SLC35F1: variants seen among roughly 807,000 people sequenced by gnomAD.
The protein encoded by SLC35F1 is chromosome 6 open reading frame 169.
SLC35F1 carries 14 observed loss-of-function variants against 48.7 expected under a neutral mutation model. The ratio of observed to expected loss-of-function variants is 0.29; its 90% CI spans 0.19 to 0.45. SLC35F1 has a LOEUF of 0.45. SLC35F1 is among the 20% of genes least tolerant of loss of function. The pLI is 1.00. For missense variants in SLC35F1, 404 were observed against 500.0 expected (o/e 0.81, Z 1.83); for synonymous variants, 190 against 202.2 (o/e 0.94, Z 0.51).
At chr6:118,007,328 C>T (rs1203804188) in intron 1 of SLC35F1, among the ~76,000 whole-genome samples, 1 of 152,144 alleles carries the variant, frequency 6.6e-6, no homozygotes, top group African/African-American at 2.4e-5. Context: ...TCAATACTGT[C>T]ACATTGGGAA....
At chr6:118,230,734 A>G (rs1305153124) in intron 2 of SLC35F1, among the ~76,000 whole-genome samples, 1 of 152,370 alleles carries the variant, frequency 6.6e-6, no homozygotes, top group East Asian at 1.9e-4. Flanking sequence ...TGTAAATCCC[A>G]GCATTTTGGA....
chr6:118,038,172 A>G (rs940599304), intron 1 of SLC35F1, among the ~76,000 whole-genome samples: 1 of 152,170 alleles, frequency 6.6e-6, no homozygotes, highest in Non-Finnish European at 1.5e-5. Context: ...CTACTGAAAA[A>G]TGCTATAATT....
At chr6:118,070,710 C>T (rs1772689464) in intron 1 of SLC35F1, among the ~76,000 whole-genome samples, 1 of 150,654 alleles carries the variant, frequency 6.6e-6, no homozygotes, top group Admixed American at 6.6e-5. Flanking sequence ...AAATTTTAGA[C>T]ATCATCTACA....
At position 117,941,151 on chromosome 6, in the gene SLC35F1, GT is replaced by G. The variant is rs570734706; in HGVS notation, c.173+33255del. On this transcript the variant is annotated intron_variant, in intron 1 of 7. Coordinates refer to ENST00000360388, the MANE Select transcript of SLC35F1 (RefSeq NM_001029858.4). ...TGTTGGCTATGCTGTTTACATTTGG[GT>G]TTAAGAATTTAAACATATTTTTCTG... 9.2e-5 allele frequency among the ~76,000 whole-genome samples: 14 copies of G among 152,170 alleles called. No individual in the cohort carries two copies. In the South Asian group the frequency reaches 2.7e-3, roughly 29 times the overall value.
chr6:118,247,513 AT>A (rs1187022814), intron 3 of SLC35F1, among the ~76,000 whole-genome samples: 18 of 152,304 alleles, frequency 1.2e-4, no homozygotes, highest in African/African-American at 4.1e-4. Context: ...CCAAAATAAT[AT>A]TTTCAAATAT....
intron 1 of SLC35F1, among the ~76,000 whole-genome samples, chr6:117,930,469 A>G (rs1776085941): frequency 6.6e-6 from 1 of 152,168 alleles, no homozygotes; most frequent in Non-Finnish European, 1.5e-5. Flanking sequence ...AAAGCCCTAA[A>G]CTATCTAGAA....
intron 1 of SLC35F1, among the ~76,000 whole-genome samples, chr6:117,946,562 T>C (rs901625627): frequency 6.6e-5 from 10 of 152,228 alleles, no homozygotes; most frequent in African/African-American, 2.4e-4. Context: ...AGAGACCATC[T>C]AATATATCTC....
At chr6:118,066,012 G>A (rs1016735488) in intron 1 of SLC35F1, among the ~76,000 whole-genome samples, 1 of 152,172 alleles carries the variant, frequency 6.6e-6, no homozygotes, top group Non-Finnish European at 1.5e-5. Context: ...ATTAGATTCA[G>A]TTAGGGTGCT....
chr6:117,933,562 G>A (rs1315848642), intron 1 of SLC35F1, among the ~76,000 whole-genome samples: 1 of 152,088 alleles, frequency 6.6e-6, no homozygotes, highest in Non-Finnish European at 1.5e-5. Flanking sequence ...ACTGCCCTCT[G>A]GGCACCTTGG....
intron 2 of SLC35F1, among the ~76,000 whole-genome samples, chr6:118,177,212 TTCCTTGCACATC>T (rs564768008): frequency 6.6e-6 from 1 of 152,120 alleles, no homozygotes; most frequent in Non-Finnish European, 1.5e-5. Context: ...TATCATCGCT[TTCCTTGCACATC>T]TCCTGACTCT....
intron 1 of SLC35F1, among the ~76,000 whole-genome samples, chr6:118,057,743 G>A (rs1048436796): frequency 9.9e-5 from 15 of 152,158 alleles, no homozygotes; most frequent in African/African-American, 3.6e-4. Flanking sequence ...TTTGTCTCCA[G>A]TATATCCTGT....
chr6:117,942,863 A>G (rs1215028315), intron 1 of SLC35F1, among the ~76,000 whole-genome samples: 3 of 152,136 alleles, frequency 2.0e-5, no homozygotes, highest in Non-Finnish European at 4.4e-5. Context: ...ATTTTATCTT[A>G]CTTATTGTTA....
At chr6:118,164,072 A>G (rs1349196777) in intron 2 of SLC35F1, among the ~76,000 whole-genome samples, 1 of 152,198 alleles carries the variant, frequency 6.6e-6, no homozygotes, top group African/African-American at 2.4e-5. Context: ...GTCTAGTTTC[A>G]TTGGTTTCCC....
chr6:118,286,262 A>G lies in SLC35F1; in HGVS notation c.1002+924A>G, dbSNP rs557140942. Among the ~76,000 whole-genome samples, 14 of 152,310 alleles carry G rather than the reference A, an allele frequency of 9.2e-5. No homozygotes were observed. In the East Asian group the frequency reaches 2.5e-3, roughly 27 times the overall value. ...GCCACTTCTAGCCAAGTTCCTCACC[A>G]GTGGTATTACAGCCACCATCCGCAG... On this transcript the variant is annotated intron_variant, in intron 7 of 7. Transcript: ENST00000360388.
chr6:118,188,516 C>G (rs966317283), intron 2 of SLC35F1, among the ~76,000 whole-genome samples: 1 of 151,306 alleles, frequency 6.6e-6, no homozygotes, highest in African/African-American at 2.4e-5. Context: ...TGCCGTTGTA[C>G]TCCAGCCTGG....
intron 2 of SLC35F1, among the ~76,000 whole-genome samples, chr6:118,164,070 T>C (rs1291599308): frequency 6.6e-6 from 1 of 152,248 alleles, no homozygotes; most frequent in African/African-American, 2.4e-5. Flanking sequence ...ATGTCTAGTT[T>C]CATTGGTTTC....
intron 1 of SLC35F1, among the ~76,000 whole-genome samples, chr6:118,063,219 TC>T (rs947548759): frequency 6.6e-6 from 1 of 152,188 alleles, no homozygotes; most frequent in Non-Finnish European, 1.5e-5. Context: ...TAAATTTTTT[TC>T]ACCACAAATT....
At chr6:118,042,176 A>G (rs1304685040) in intron 1 of SLC35F1, among the ~76,000 whole-genome samples, 1 of 152,096 alleles carries the variant, frequency 6.6e-6, no homozygotes, top group East Asian at 1.9e-4. Flanking sequence ...TCAATTAGTC[A>G]CTGAGAATGC....
intron 1 of SLC35F1, among the ~76,000 whole-genome samples, chr6:118,058,803 A>G (rs1018011465): frequency 6.6e-6 from 1 of 152,170 alleles, no homozygotes; most frequent in African/African-American, 2.4e-5. Context: ...TCTCAGTGCA[A>G]TGAAAATATA....
Sources: allele counts gnomAD v4.1 joint callset (sites outside exome capture counted in the v4.1 genomes callset), GRCh38; gene constraint gnomAD v4.1.1; transcripts MANE v1.5; gene names NCBI Gene and HGNC (gene_info 2026-07-23, HGNC 2026-07-21).